Variants in CADM1 observed in about 807,000 individuals in gnomAD.
CADM1 encodes the protein TSLC-1.
In CADM1, 15 loss-of-function variants were observed where a neutral mutation model predicts 53.1. The ratio of observed to expected loss-of-function variants is 0.28; its 90% confidence interval spans 0.19 to 0.44. CADM1 has a LOEUF of 0.44. CADM1 is among the 20% of genes least tolerant of loss of function. CADM1 has a pLI of 1.00. For missense variants in CADM1, 434 were observed against 611.3 expected (o/e 0.71, Z 3.06); for synonymous variants, 281 against 243.0 (o/e 1.16, Z -1.45).
chr11:115,328,691 T>TGTATATATGTATATACATATATACGC (rs1945033399), intron 1 of CADM1, among the ~76,000 whole-genome samples: 3 of 19,076 alleles, frequency 1.6e-4, no homozygotes, highest in Non-Finnish European at 2.4e-4. Context: ...TATATATATG[T>TGTATATATGTATATACATATATACGC]GTATATATAT....
Position 115,175,665 on chromosome 11 carries a change from G to A in CADM1, c.*809C>T, listed in dbSNP as rs1403483943. 2.0e-6 allele frequency: 2 copies of A among 985,972 alleles called. No homozygotes were observed. The highest frequency in any genetic ancestry group is 1.7e-5 in the African/African-American group (1 of 57,274). 61.1% of individuals were successfully genotyped at this position (985,972 alleles called of 1,614,324 possible). On this transcript the variant is annotated 3_prime_UTR_variant, in exon 12 of 12. Coordinates refer to ENST00000331581, the MANE Select transcript of CADM1 (RefSeq NM_001301043.2). The stretch of plus-strand genomic sequence containing the variant: ...CCCCAAACCTTTCTGGACAGCGTAG[G>A]GTATCTATACTGAGCCGTCTACAGA...
chr11:115,223,166 T>G (rs772894168), intron 5 of CADM1, among the ~76,000 whole-genome samples: 4 of 152,090 alleles, frequency 2.6e-5, no homozygotes, highest in Non-Finnish European at 4.4e-5. Context: ...AGATCACGAG[T>G]TCCCGTTAGT....
chr11:115,481,338 T>G (rs527699779), intron 1 of CADM1, among the ~76,000 whole-genome samples: 1 of 152,326 alleles, frequency 6.6e-6, no homozygotes, highest in Non-Finnish European at 1.5e-5. Context: ...CATTTGACAC[T>G]GTGGCTCACT....
chr11:115,403,763 A>T (rs1304012610), intron 1 of CADM1, among the ~76,000 whole-genome samples: 2 of 151,318 alleles, frequency 1.3e-5, no homozygotes, highest in East Asian at 2.0e-4. Context: ...TACCTGGCTA[A>T]TTTTTGTATT....
chr11:115,410,860 G>A (rs1412214008), intron 1 of CADM1, among the ~76,000 whole-genome samples: 1 of 152,076 alleles, frequency 6.6e-6, no homozygotes, highest in Non-Finnish European at 1.5e-5. Flanking sequence ...TCTTCTATGG[G>A]TTCTCTGGGT....
At chr11:115,340,599 G>A (rs1350057379) in intron 1 of CADM1, among the ~76,000 whole-genome samples, 2 of 120,632 alleles carry the variant, frequency 1.7e-5, no homozygotes, top group African/African-American at 3.2e-5. Context: ...CCTGGTCTCA[G>A]AGTGGAGTCA....
intron 1 of CADM1, among the ~76,000 whole-genome samples, chr11:115,391,189 C>G (rs1352965633): frequency 6.6e-6 from 1 of 152,168 alleles, no homozygotes; most frequent in Non-Finnish European, 1.5e-5. Flanking sequence ...AAAATGAGTA[C>G]AATTAGACAT....
intron 1 of CADM1, among the ~76,000 whole-genome samples, chr11:115,460,433 C>T (rs530976204): frequency 6.6e-6 from 1 of 152,154 alleles, no homozygotes; most frequent in Non-Finnish European, 1.5e-5. Context: ...ACTAGCTTGA[C>T]AAAATCCTCT....
intron 1 of CADM1, among the ~76,000 whole-genome samples, chr11:115,503,046 C>T (rs1949764845): frequency 6.6e-6 from 1 of 152,154 alleles, no homozygotes. Flanking sequence ...CATCGCCGCT[C>T]GCACCCCGCG....
At chr11:115,351,096 T>C (rs1476950318) in intron 1 of CADM1, among the ~76,000 whole-genome samples, 2 of 150,820 alleles carry the variant, frequency 1.3e-5, no homozygotes, top group African/African-American at 4.9e-5. Flanking sequence ...TTTAGAAAGG[T>C]TGGCAGATAG....
At chr11:115,386,966 AAAC>A (rs1357769581) in intron 1 of CADM1, among the ~76,000 whole-genome samples, 4 of 152,218 alleles carry the variant, frequency 2.6e-5, no homozygotes, top group African/African-American at 7.2e-5. Flanking sequence ...TAAAATATAA[AAAC>A]AACAACAACA....
At chr11:115,461,165 T>G (rs567170351) in intron 1 of CADM1, among the ~76,000 whole-genome samples, 2 of 152,138 alleles carry the variant, frequency 1.3e-5, no homozygotes, top group African/African-American at 4.8e-5. Flanking sequence ...ATATATATAA[T>G]AAAGCTCCCA....
At chr11:115,319,979 CA>C (rs1325123225) in intron 1 of CADM1, among the ~76,000 whole-genome samples, 1 of 152,014 alleles carries the variant, frequency 6.6e-6, no homozygotes, top group East Asian at 1.9e-4. Flanking sequence ...AACAGAGCTA[CA>C]AAAAAATCGG....
At chr11:115,324,229 A>G (rs954468123) in intron 1 of CADM1, among the ~76,000 whole-genome samples, 3 of 152,182 alleles carry the variant, frequency 2.0e-5, no homozygotes, top group African/African-American at 7.2e-5. Flanking sequence ...TACCCGTAAA[A>G]GTAATCACAT....
chr11:115,382,461 G>A (rs146126775), intron 1 of CADM1, among the ~76,000 whole-genome samples: 41 of 152,192 alleles, frequency 2.7e-4, no homozygotes, highest in African/African-American at 9.9e-4. Flanking sequence ...TCAGAAACAT[G>A]TATGTTATAT....
intron 5 of CADM1, among the ~76,000 whole-genome samples, chr11:115,224,274 G>GT (rs1941517383): frequency 6.7e-6 from 1 of 148,920 alleles, no homozygotes; most frequent in South Asian, 2.1e-4. Flanking sequence ...TTTTCCTCCA[G>GT]TTGAGGGAAT....
intron 1 of CADM1, among the ~76,000 whole-genome samples, chr11:115,298,240 T>C (rs1419875179): frequency 1.3e-5 from 2 of 152,210 alleles, no homozygotes; most frequent in Admixed American, 6.5e-5. Context: ...ACAGAAACAA[T>C]TTTAACACTT....
chr11:115,214,731 C>A lies in CADM1; in HGVS notation c.871G>T (p.Ala291Ser). ...AACAGGTTGGGCCCAGACAGTACGG[C>A]GTGTTGAGGCATTTCATCATCGACT... is the stretch of plus-strand genomic sequence containing the variant. ...VRVDDEMPQH[A>S]VLSGPNLFIN... Residue 291 changes from alanine to serine, a missense_variant, in exon 7 of 12, where the codon GCC becomes TCC. Around this residue, in one of 4 missense-constraint regions of CADM1, gnomAD observed 311 missense variants for 435.1 expected, o/e 0.71. Coordinates refer to ENST00000331581, the MANE Select transcript of CADM1 (RefSeq NM_001301043.2). 6.2e-7 allele frequency: 1 copy of A among 1,613,898 alleles called. No homozygotes were observed. Among genetic ancestry groups the A allele is most frequent in the Middle Eastern group, 1.7e-4 (1 of 6,058 alleles).
chr11:115,390,639 C>A lies in CADM1; in HGVS notation c.124+113632G>T, dbSNP rs151193736. Among the ~76,000 whole-genome samples the A allele has an allele frequency of 5.9e-3, 871 of 147,786 alleles. 8 individuals carry two copies. The highest frequency in any genetic ancestry group is 0.035 in the Middle Eastern group (10 of 286). On this transcript the variant is annotated intron_variant, in intron 1 of 11. Transcript: ENST00000331581. ...CACCATTCATTTTCTAATAGGTTCCCGGAGTCACCAGCAAAAGGTTAGGCT... is the reference window on the plus strand; with the variant it reads ...CACCATTCATTTTCTAATAGGTTCCAGGAGTCACCAGCAAAAGGTTAGGCT...
Sources: allele counts gnomAD v4.1 joint callset (sites outside exome capture counted in the v4.1 genomes callset), GRCh38; gene constraint gnomAD v4.1.1; regional missense constraint gnomAD v4.1.1; transcripts MANE v1.5; gene names NCBI Gene and HGNC (gene_info 2026-07-23, HGNC 2026-07-21).